Variants in NEMP2 observed in about 807,000 individuals in gnomAD.
NEMP2 encodes the protein nuclear envelope integral membrane protein 2.
A neutral mutation model predicts 54.2 loss-of-function variants in NEMP2; 53 were observed. The observed-to-expected ratio is 0.98, with a 90% CI of 0.78 to 1.23. The LOEUF is 1.23. Among genes scored for constraint, NEMP2 ranks in the 50% most tolerant of loss-of-function variants. The probability of loss-of-function intolerance (pLI) is 0.00; values close to 1 mark genes in which losing one functional copy is unlikely to be tolerated. For synonymous variants in NEMP2, 197 were observed against 190.3 expected, an observed-to-expected ratio of 1.04 and a Z score of -0.29; for missense variants, 455 against 511.3, an observed-to-expected ratio of 0.89 and a Z score of 1.06.
chr2:190,496,712 A>G, the NEMP2 span, among the ~76,000 whole-genome samples: 2 of 152,160 alleles, frequency 1.3e-5, no homozygotes, highest in African/African-American at 2.4e-5. The surrounding 1 kb of genome is among the most constrained non-coding windows in gnomAD (Gnocchi z 4.7). Context: ...ATACATACAC[A>G]ATGGAATACT....
the NEMP2 span, among the ~76,000 whole-genome samples, chr2:190,447,030 T>A: frequency 6.6e-6 from 1 of 151,900 alleles, no homozygotes; most frequent in Admixed American, 6.6e-5. The surrounding 1 kb of genome is among the most constrained non-coding windows in gnomAD (Gnocchi z 4.5). Flanking sequence ...TTTAGCACAA[T>A]CCTAAATGTT....
At chr2:190,562,346 G>A in the NEMP2 span, among the ~76,000 whole-genome samples, 2 of 152,154 alleles carry the variant, frequency 1.3e-5, no homozygotes, top group Non-Finnish European at 2.9e-5. The surrounding 1 kb of genome is among the most constrained non-coding windows in gnomAD (Gnocchi z 5.0). Context: ...GCAGCACCAC[G>A]GTGGGGCTCT....
chr2:190,647,671 T>A, the NEMP2 span, among the ~76,000 whole-genome samples: 1 of 151,990 alleles, frequency 6.6e-6, no homozygotes, highest in African/African-American at 2.4e-5. Context: ...ACTTCCAAAA[T>A]TTTTTTGGCA....
the NEMP2 span, among the ~76,000 whole-genome samples, chr2:190,475,011 A>G: frequency 6.6e-6 from 1 of 152,246 alleles, no homozygotes; most frequent in South Asian, 2.1e-4. Flanking sequence ...GCAAAATTCA[A>G]CAACCCTTCA....
At chr2:190,485,737 G>A in the NEMP2 span, among the ~76,000 whole-genome samples, 8 of 151,484 alleles carry the variant, frequency 5.3e-5, no homozygotes, top group Non-Finnish European at 7.4e-5. This position sits in a 1 kb window ranked among gnomAD's most constrained non-coding sequence, Gnocchi z 5.1. Flanking sequence ...AAGCAAACAC[G>A]TTATTTGACT....
chr2:190,455,218 A>G, the NEMP2 span, among the ~76,000 whole-genome samples: 10 of 152,076 alleles, frequency 6.6e-5, no homozygotes, highest in South Asian at 2.1e-4. Flanking sequence ...TTTTATTGCT[A>G]TTTATTAAGT....
At chr2:190,599,424 T>C in the NEMP2 span, among the ~76,000 whole-genome samples, 1 of 152,234 alleles carries the variant, frequency 6.6e-6, no homozygotes, top group Non-Finnish European at 1.5e-5. Context: ...TTGAAATGTC[T>C]ATAACTTCAG....
At chr2:190,545,163 A>T in the NEMP2 span, among the ~76,000 whole-genome samples, 1 of 152,260 alleles carries the variant, frequency 6.6e-6, no homozygotes, top group African/African-American at 2.4e-5. Flanking sequence ...TTCAGTTAGT[A>T]GGTTTAGGAT....
the NEMP2 span, among the ~76,000 whole-genome samples, chr2:190,581,530 C>A: frequency 1.3e-5 from 2 of 152,154 alleles, no homozygotes; most frequent in African/African-American, 4.8e-5. Flanking sequence ...GACAGAAAAA[C>A]TTACCTTAGT....
the NEMP2 span, among the ~76,000 whole-genome samples, chr2:190,571,058 T>G: frequency 6.6e-6 from 1 of 152,346 alleles, no homozygotes; most frequent in South Asian, 2.1e-4. Flanking sequence ...TTGCCTGGCT[T>G]CCATCCATTA....
chr2:190,637,385 G>A, the NEMP2 span, among the ~76,000 whole-genome samples: 4 of 152,186 alleles, frequency 2.6e-5, no homozygotes, highest in African/African-American at 9.7e-5. The surrounding 1 kb of genome is among the most constrained non-coding windows in gnomAD (Gnocchi z 4.5). Context: ...CACTGGTGCT[G>A]AGAACTACAG....
chr2:190,537,043 C>T (rs2125367968), upstream of NEMP2, among the ~76,000 whole-genome samples: 1 of 152,186 alleles, frequency 6.6e-6, no homozygotes, highest in East Asian at 1.9e-4. Flanking sequence ...TAAAACAGAA[C>T]CAGATTCAGA....
rs1358313542 is a variant in NEMP2 at position 190,528,393 on chromosome 2, G to A, written c.98-3015C>T. Among the ~76,000 whole-genome samples, 1 of 152,188 alleles carries A rather than the reference G, an allele frequency of 6.6e-6. No individual in the cohort carries two copies. On this transcript the variant is annotated intron_variant, in intron 1 of 8. Coordinates refer to ENST00000409150, the MANE Select transcript of NEMP2 (RefSeq NM_001142645.2). The surrounding 1 kb of genome is among the most constrained non-coding windows in gnomAD (Gnocchi z 4.3). ...TTCTGCCTTTGCACAGCCTCCTCGGGGGGGTCTCTAAGCATGGCTAGAGTT... is the reference window on the plus strand; with the variant it reads ...TTCTGCCTTTGCACAGCCTCCTCGGAGGGGTCTCTAAGCATGGCTAGAGTT...
the NEMP2 span, among the ~76,000 whole-genome samples, chr2:190,548,743 A>G: frequency 1.3e-5 from 2 of 152,226 alleles, no homozygotes; most frequent in African/African-American, 4.8e-5. Flanking sequence ...CAGATTTAGA[A>G]AGCTATACAA....
chr2:190,478,606 T>C, the NEMP2 span, among the ~76,000 whole-genome samples: 2 of 152,178 alleles, frequency 1.3e-5, no homozygotes, highest in African/African-American at 4.8e-5. Context: ...CAGGACATGA[T>C]TAAAACAAAT....
chr2:190,424,276 T>C, the NEMP2 span, among the ~76,000 whole-genome samples: 2 of 151,976 alleles, frequency 1.3e-5, no homozygotes, highest in East Asian at 3.8e-4. This position sits in a 1 kb window ranked among gnomAD's most constrained non-coding sequence, Gnocchi z 5.9. Context: ...TCAAATTGTA[T>C]AGTTAATGAT....
the NEMP2 span, among the ~76,000 whole-genome samples, chr2:190,639,499 T>A: frequency 6.6e-6 from 1 of 152,046 alleles, no homozygotes; most frequent in Non-Finnish European, 1.5e-5. Flanking sequence ...TGGTTTTTGT[T>A]GCCCTCTGCA....
the NEMP2 span, among the ~76,000 whole-genome samples, chr2:190,421,611 C>A: frequency 5.7e-3 from 863 of 152,220 alleles, 12 homozygotes; most frequent in African/African-American, 0.02. Context: ...TGAGACAGTT[C>A]TCACCCTGTC....
At chr2:190,493,003 A>G in the NEMP2 span, among the ~76,000 whole-genome samples, 1 of 152,174 alleles carries the variant, frequency 6.6e-6, no homozygotes, top group Non-Finnish European at 1.5e-5. Context: ...AACAAATAAC[A>G]CAATGATTGG....
Sources: gnomAD v4.1 joint callset for allele counts (sites outside exome capture counted in the v4.1 genomes callset) on GRCh38, gnomAD v4.1.1 for gene constraint, Gnocchi (gnomAD v3.1) non-coding constraint, MANE v1.5 for transcripts, NCBI Gene and HGNC (gene_info 2026-07-23, HGNC 2026-07-21) for gene names.